Variants in AMPH observed in about 807,000 individuals in gnomAD.
AMPH encodes the protein amphiphysin (Stiff-Mann syndrome with breast cancer 128kD autoantigen).
A neutral mutation model predicts 99.1 loss-of-function variants in AMPH; 49 were observed. The ratio of observed to expected loss-of-function variants is 0.49; its 90% CI spans 0.39 to 0.63. AMPH has a LOEUF of 0.63. Among genes scored for constraint, AMPH ranks in the 20% least tolerant of loss-of-function variants. AMPH has a pLI of 0.00. For synonymous variants in AMPH, 314 were observed against 317.3 expected (o/e 0.99, Z 0.11); for missense variants, 759 against 863.4 (o/e 0.88, Z 1.52).
At chr7:38,518,294 A>AGCCCTCTATAGGGC (rs1255974735) in intron 2 of AMPH, among the ~76,000 whole-genome samples, 5 of 152,330 alleles carry the variant, frequency 3.3e-5, no homozygotes, top group African/African-American at 1.2e-4. Flanking sequence ...GGTGTCACAG[A>AGCCCTCTATAGGGC]ATCTCTACTA....
chr7:38,441,135 A>G (rs1786489290), intron 11 of AMPH, among the ~76,000 whole-genome samples: 2 of 152,116 alleles, frequency 1.3e-5, no homozygotes, highest in Admixed American at 1.3e-4. Context: ...ACAATAAAAA[A>G]AGTAGATCTC....
chr7:38,527,631 T>C (rs1395007954), intron 2 of AMPH, among the ~76,000 whole-genome samples: 1 of 152,208 alleles, frequency 6.6e-6, no homozygotes, highest in Non-Finnish European at 1.5e-5. Context: ...TCTGTTAGAG[T>C]AGTATTTTCG....
At chr7:38,499,224 C>T (rs56905382) in intron 3 of AMPH, among the ~76,000 whole-genome samples, 4,121 of 152,240 alleles carry the variant, frequency 0.027, 152 homozygotes, top group African/African-American at 0.095. Context: ...GAGCTCCTTG[C>T]AAGCAGGCAC....
intron 2 of AMPH, among the ~76,000 whole-genome samples, chr7:38,508,350 G>T (rs1789410606): frequency 6.6e-6 from 1 of 152,192 alleles, no homozygotes; most frequent in Non-Finnish European, 1.5e-5. Context: ...AGCAATAGGA[G>T]TTTAATACCT....
chr7:38,428,804 A>G (rs1373726030), intron 14 of AMPH: 19 of 457,768 alleles, frequency 4.2e-5, no homozygotes, highest in Non-Finnish European at 8.3e-5. Flanking sequence ...CTTTTGCCAT[A>G]TCTCCTCCTT....
intron 14 of AMPH, among the ~76,000 whole-genome samples, chr7:38,427,649 CTT>C (rs3056201): frequency 7.3e-6 from 1 of 137,370 alleles, no homozygotes. Context: ...GATGCTGCTG[CTT>C]TTTTTTTTTT....
intron 2 of AMPH, among the ~76,000 whole-genome samples, chr7:38,509,522 G>A (rs1022382995): frequency 6.6e-6 from 1 of 151,964 alleles, no homozygotes; most frequent in Non-Finnish European, 1.5e-5. Flanking sequence ...ATCTCCATTC[G>A]GATCTTCTGG....
intron 1 of AMPH, among the ~76,000 whole-genome samples, chr7:38,572,601 G>A (rs909047655): frequency 6.6e-6 from 1 of 152,174 alleles, no homozygotes; most frequent in Non-Finnish European, 1.5e-5. Context: ...GGGAGGAGGT[G>A]ATGTTATTAA....
At chr7:38,550,011 T>C (rs928789591) in intron 1 of AMPH, among the ~76,000 whole-genome samples, 10 of 152,344 alleles carry the variant, frequency 6.6e-5, no homozygotes, top group African/African-American at 2.2e-4. Flanking sequence ...AGTGAGAACA[T>C]TGAAAGAATG....
chr7:38,468,560 GT>G (rs150798023), intron 7 of AMPH, among the ~76,000 whole-genome samples: 4,087 of 152,136 alleles, frequency 0.027, 151 homozygotes, highest in African/African-American at 0.094. Context: ...CTAATATTTT[GT>G]TTTTTAATTT....
chr7:38,592,683 G>A (rs113923088), intron 1 of AMPH, among the ~76,000 whole-genome samples: 42,064 of 149,944 alleles, frequency 0.28, 6,229 homozygotes, highest in Non-Finnish European at 0.34. Context: ...GTGTGCTGAG[G>A]TCATGCCACT....
At chr7:38,387,883 T>A (rs1784389213) in intron 20 of AMPH, among the ~76,000 whole-genome samples, 1 of 151,454 alleles carries the variant, frequency 6.6e-6, no homozygotes, top group Non-Finnish European at 1.5e-5. Context: ...TCACTTTGCA[T>A]ACAGAGAAGC....
chr7:38,577,714 G>T (rs181421717), intron 1 of AMPH, among the ~76,000 whole-genome samples: 1 of 151,190 alleles, frequency 6.6e-6, no homozygotes, highest in Non-Finnish European at 1.5e-5. Flanking sequence ...AGAAGGAAAG[G>T]AGAAAAGAAG....
chr7:38,519,741 C>A (rs1406329451), intron 2 of AMPH, among the ~76,000 whole-genome samples: 1 of 152,216 alleles, frequency 6.6e-6, no homozygotes, highest in East Asian at 1.9e-4. Flanking sequence ...TAGGATCAAG[C>A]CCAGGCCATG....
intron 1 of AMPH, among the ~76,000 whole-genome samples, chr7:38,544,198 T>C (rs1420016625): frequency 6.6e-6 from 1 of 152,228 alleles, no homozygotes; most frequent in South Asian, 2.1e-4. Context: ...GGAAACTATA[T>C]GACATCATCT....
At chr7:38,571,178 T>C (rs1323317350) in intron 1 of AMPH, among the ~76,000 whole-genome samples, 1 of 96,390 alleles carries the variant, frequency 1.0e-5, no homozygotes, top group Non-Finnish European at 1.8e-5. Flanking sequence ...TATATTTTTA[T>C]ATATGAATAT....
In AMPH at chr7:38,390,995, GAGAGAGAGAGAGAGAGAGA is replaced by G. The variant is rs1562721054; in HGVS notation, c.1878+734_1878+752del. Among the ~76,000 whole-genome samples the G allele has an allele frequency of 9.2e-3, 687 of 74,706 alleles. 4 individuals carry two copies. Among genetic ancestry groups the G allele is most frequent in the African/African-American group, 0.013 (236 of 17,616 alleles). 49.0% of individuals were successfully genotyped at this position (74,706 alleles called of 152,430 possible). ...AGAGAGAGAGAGAGAGAGAGAGAGAGAGAGAGAGAGAGAGAGAGAGAATGATACAACATTTTACACTTTA... is the reference window on the plus strand; with the variant it reads ...AGAGAGAGAGAGAGAGAGAGAGAGAGGAATGATACAACATTTTACACTTTA... On this transcript the variant is annotated intron_variant, in intron 19 of 20. Coordinates refer to ENST00000356264, the MANE Select transcript of AMPH (RefSeq NM_001635.4).
intron 1 of AMPH, among the ~76,000 whole-genome samples, chr7:38,567,968 A>G (rs1791807351): frequency 6.6e-6 from 1 of 152,112 alleles, no homozygotes; most frequent in East Asian, 1.9e-4. Context: ...ATTCATATTT[A>G]TATTTTCCTG....
intron 1 of AMPH, among the ~76,000 whole-genome samples, chr7:38,553,372 C>T (rs188258750): frequency 1.3e-5 from 2 of 152,368 alleles, no homozygotes; most frequent in Admixed American, 1.3e-4. Context: ...CCCAGACCAT[C>T]TCTGGCCCTG....
Sources: allele counts gnomAD v4.1 joint callset (sites outside exome capture counted in the v4.1 genomes callset), GRCh38; gene constraint gnomAD v4.1.1; transcripts MANE v1.5; gene names NCBI Gene and HGNC (gene_info 2026-07-23, HGNC 2026-07-21).